The following AAMDC variants were observed in gnomAD, a reference collection of about 807,000 sequenced individuals.
The protein encoded by AAMDC is mth938 domain-containing protein.
Under a neutral mutation model 15.5 loss-of-function variants are expected in AAMDC, and 16 were observed. That is an observed-to-expected ratio of 1.03 (90% CI 0.70 to 1.57). The LOEUF is 1.57. Ranked by LOEUF, AAMDC falls within the 40% of genes most tolerant of loss-of-function variation. AAMDC has a pLI of 0.00. For synonymous variants in AAMDC, 51 were observed against 51.6 expected (o/e 0.99, Z 0.05); for missense variants, 141 against 144.9 (o/e 0.97, Z 0.14).
chr11:77,857,720 G>A (rs1468238610), intron 2 of AAMDC, among the ~76,000 whole-genome samples: 2 of 139,128 alleles, frequency 1.4e-5, no homozygotes, highest in African/African-American at 5.3e-5. Context: ...TTTTTGAGAT[G>A]GAGTCTCGCT....
chr11:77,883,796 C>A (rs761809809), intron 5 of AAMDC: 1 of 1,607,556 alleles, frequency 6.2e-7, no homozygotes, highest in Non-Finnish European at 8.5e-7. Flanking sequence ...TCTCCAGCAG[C>A]ATATTTCCCT....
At chr11:77,887,190 C>G (rs1027179598) in intron 5 of AAMDC, among the ~76,000 whole-genome samples, 4 of 152,212 alleles carry the variant, frequency 2.6e-5, no homozygotes, top group Admixed American at 2.0e-4. Flanking sequence ...ACTGGCAAAC[C>G]AAATCCAGCA....
At chr11:77,901,269 A>G (rs1952769434), downstream of AAMDC, 4 of 827,878 alleles carry the variant, frequency 4.8e-6, no homozygotes, top group South Asian at 2.9e-5. Context: ...AGAATTTGTA[A>G]TATCTGAAAA....
At chr11:77,864,225 C>A (rs1951010243) in intron 2 of AAMDC, among the ~76,000 whole-genome samples, 1 of 152,080 alleles carries the variant, frequency 6.6e-6, no homozygotes, top group Non-Finnish European at 1.5e-5. Context: ...CCGCTCCTGG[C>A]CAAGATGATC....
chr11:77,883,928 G>C, intron 5 of AAMDC: 1 of 1,613,306 alleles, frequency 6.2e-7, no homozygotes, highest in Non-Finnish European at 8.5e-7. Flanking sequence ...TGAATCATCT[G>C]AGCCTGGCCA....
At chr11:77,863,888 A>G (rs1950993010) in intron 2 of AAMDC, among the ~76,000 whole-genome samples, 2 of 152,126 alleles carry the variant, frequency 1.3e-5, no homozygotes, top group South Asian at 4.1e-4. Flanking sequence ...AAAGTCAGCA[A>G]TTATGATAAA....
At chr11:77,864,491 C>G (rs1400761245) in intron 2 of AAMDC, among the ~76,000 whole-genome samples, 2 of 151,880 alleles carry the variant, frequency 1.3e-5, no homozygotes, top group Non-Finnish European at 2.9e-5. Context: ...GATTGAGAAC[C>G]AGATTAATTA....
downstream of AAMDC, among the ~76,000 whole-genome samples, chr11:77,901,151 G>A (rs1220557791): frequency 1.3e-5 from 2 of 152,168 alleles, no homozygotes; most frequent in Non-Finnish European, 2.9e-5. Flanking sequence ...TGTCCTTATT[G>A]CCAGATAAAG....
intron 2 of AAMDC, among the ~76,000 whole-genome samples, chr11:77,857,748 G>C (rs1194895584): frequency 6.6e-6 from 1 of 150,676 alleles, no homozygotes; most frequent in East Asian, 1.9e-4. Flanking sequence ...CCAGGCTGGA[G>C]GGCATTGGCG....
intron 5 of AAMDC, among the ~76,000 whole-genome samples, chr11:77,898,518 A>G (rs991509903): frequency 1.3e-5 from 2 of 152,226 alleles, no homozygotes; most frequent in Non-Finnish European, 2.9e-5. Context: ...TAAAATCTTC[A>G]TCTTCATCTT....
intron 1 of AAMDC, among the ~76,000 whole-genome samples, chr11:77,837,728 G>T (rs1949749607): frequency 6.6e-6 from 1 of 152,164 alleles, no homozygotes; most frequent in African/African-American, 2.4e-5. Context: ...GAACCACCAC[G>T]CCCAGCCCTC....
chr11:77,851,767 A>G (rs1950394047), intron 2 of AAMDC, among the ~76,000 whole-genome samples: 1 of 152,132 alleles, frequency 6.6e-6, no homozygotes, highest in Non-Finnish European at 1.5e-5. Context: ...AGGCCTCCTC[A>G]GAAGTCAAGC....
intron 5 of AAMDC, among the ~76,000 whole-genome samples, chr11:77,883,015 G>A (rs938150789): frequency 6.6e-6 from 1 of 152,158 alleles, no homozygotes; most frequent in Admixed American, 6.5e-5. Flanking sequence ...GACAGAGGTT[G>A]CAGTGAGCCG....
chr11:77,871,678 C>A (rs1951437395), intron 3 of AAMDC, among the ~76,000 whole-genome samples: 1 of 152,142 alleles, frequency 6.6e-6, no homozygotes, highest in South Asian at 2.1e-4. Context: ...AAAGAGCTAG[C>A]CTAACATTTC....
intron 2 of AAMDC, among the ~76,000 whole-genome samples, chr11:77,867,964 A>G (rs1417822808): frequency 1.3e-5 from 2 of 152,052 alleles, no homozygotes; most frequent in East Asian, 1.9e-4. Context: ...TTAGCATGCT[A>G]TGCAAGTGCT....
intron 5 of AAMDC, among the ~76,000 whole-genome samples, chr11:77,887,266 A>C (rs1365094181): frequency 2.0e-5 from 3 of 152,238 alleles, no homozygotes; most frequent in Non-Finnish European, 4.4e-5. Context: ...GGCTGGTTCA[A>C]CATACGAAAA....
At chr11:77,878,845 T>G in intron 5 of AAMDC, 1 of 831,486 alleles carries the variant, frequency 1.2e-6, no homozygotes, top group Non-Finnish European at 2.1e-6. Context: ...GGTCACATAC[T>G]CCTTAAGCCT....
intron 2 of AAMDC, among the ~76,000 whole-genome samples, chr11:77,867,794 C>A (rs549468862): frequency 4.1e-4 from 63 of 152,280 alleles, no homozygotes; most frequent in African/African-American, 1.5e-3. Flanking sequence ...TTAAACACAT[C>A]ACCTTAAATG....
At chr11:77,845,477 C>G (rs1950107842) in intron 2 of AAMDC, among the ~76,000 whole-genome samples, 1 of 151,970 alleles carries the variant, frequency 6.6e-6, no homozygotes, top group Non-Finnish European at 1.5e-5. Context: ...GTCACCACAG[C>G]TGGAGTGCCG....
Sources: gnomAD v4.1 joint callset for allele counts (sites outside exome capture counted in the v4.1 genomes callset) on GRCh38, gnomAD v4.1.1 for gene constraint, MANE v1.5 for transcripts, NCBI Gene and HGNC (gene_info 2026-07-23, HGNC 2026-07-21) for gene names.